The following GALR1 variants were observed in gnomAD, a reference collection of about 807,000 sequenced individuals.
The protein encoded by GALR1 is galanin receptor 1, also known as galanin receptor type 1.
In GALR1, 11 loss-of-function variants were observed where a neutral mutation model predicts 17.9. The observed-to-expected ratio is 0.62, with a 90% confidence interval of 0.39 to 1.02. The LOEUF is 1.02. Ranked by LOEUF, GALR1 falls within the 50% of genes least tolerant of loss-of-function variation. The pLI is 0.01. For synonymous variants in GALR1, 206 were observed against 205.7 expected, an observed-to-expected ratio of 1.00 and a Z score of -0.01; for missense variants, 441 against 456.9, an observed-to-expected ratio of 0.97 and a Z score of 0.32.
chr18:77,260,242 G>T (rs1568142632), intron 2 of GALR1, among the ~76,000 whole-genome samples: 2 of 152,128 alleles, frequency 1.3e-5, no homozygotes, highest in Non-Finnish European at 2.9e-5. Flanking sequence ...GTTCATAGAT[G>T]GCCCCTTCTC....
Position 77,250,139 on chromosome 18 carries a change from C to T in GALR1, c.-410C>T, listed in dbSNP as rs577052545. On this transcript the variant is annotated 5_prime_UTR_variant, in exon 1 of 3. Transcript: ENST00000299727. ...GTGCAGCACGCAGCCCCTCCGGGAG[C>T]CAGGGAAAACCGCCGGCGAAGATCT... Among the ~76,000 whole-genome samples the T allele has an allele frequency of 1.3e-5, 2 of 152,300 alleles. No homozygotes were observed. Among genetic ancestry groups the T allele is most frequent in the Admixed American group, 6.5e-5 (1 of 15,306 alleles).
chr18:77,259,057 ATGGTGGT>A lies in GALR1; in HGVS notation c.732+2835_732+2841del, dbSNP rs1912727784. ...GGTCATGATGGTCATGGTGGTGATG[ATGGTGGT>A]CATGGTGGTCATGGTGGCGATTGTG... On this transcript the variant is annotated intron_variant, in intron 2 of 2. Coordinates refer to ENST00000299727, the MANE Select transcript of GALR1 (RefSeq NM_001480.4). Among the ~76,000 whole-genome samples, 3 of 3,996 alleles carry A rather than the reference ATGGTGGT, an allele frequency of 7.5e-4. 1 individual carries two copies. The highest frequency in any genetic ancestry group is 3.2e-3 in the Non-Finnish European group (1 of 308). The allele number at this position is 3,996 out of a possible 152,430, so 2.6% of individuals were successfully genotyped here. A position where few individuals can be genotyped will look rare whatever the true frequency, so the allele number is the denominator to read the frequency against.
rs1164806381 is a variant in GALR1 at position 77,272,080 on chromosome 18, A to G, written c.*3178A>G. 1 of 152,200 alleles carries G rather than the reference A, an allele frequency of 6.6e-6. No individual in the cohort carries two copies. The highest frequency in any genetic ancestry group is 1.5e-5 in the Non-Finnish European group (1 of 68,036). The allele number at this position is 152,200 out of a possible 1,614,324, so 9.4% of individuals were successfully genotyped here. ...AGTAAAACCATTTCCGCCCCATCCC[A>G]ATCTCTTGTGCTTTTATCTTTTTTA... On this transcript the variant is annotated 3_prime_UTR_variant, in exon 3 of 3. Transcript: ENST00000299727.
intron 2 of GALR1, among the ~76,000 whole-genome samples, chr18:77,266,836 T>C (rs970012920): frequency 1.3e-5 from 2 of 152,006 alleles, no homozygotes; most frequent in Non-Finnish European, 2.9e-5. Flanking sequence ...TCTCACTGGG[T>C]CCCTCCCATT....
At chr18:77,260,453 A>G (rs1439288614) in intron 2 of GALR1, among the ~76,000 whole-genome samples, 2 of 152,162 alleles carry the variant, frequency 1.3e-5, no homozygotes, top group Non-Finnish European at 2.9e-5. Context: ...CACGGATCCC[A>G]TTATGAGGGC....
At chr18:77,255,280 T>C (rs1220816031) in intron 1 of GALR1, among the ~76,000 whole-genome samples, 1 of 152,208 alleles carries the variant, frequency 6.6e-6, no homozygotes, top group Non-Finnish European at 1.5e-5. Flanking sequence ...CAAATATATG[T>C]TGGAAATTCC....
At chr18:77,267,997 G>A (rs1371421903) in intron 2 of GALR1, among the ~76,000 whole-genome samples, 1 of 152,174 alleles carries the variant, frequency 6.6e-6, no homozygotes, top group Admixed American at 6.5e-5. Flanking sequence ...TGATTTAGGA[G>A]CAGCAAAGAA....
At chr18:77,261,881 TG>T in intron 2 of GALR1, among the ~76,000 whole-genome samples, 1 of 152,314 alleles carries the variant, frequency 6.6e-6, no homozygotes, top group East Asian at 1.9e-4. Flanking sequence ...TGGGGTGCAG[TG>T]GTGTGATCAT....
intron 2 of GALR1, among the ~76,000 whole-genome samples, chr18:77,257,780 T>A (rs771336037): frequency 1.1e-4 from 17 of 152,188 alleles, no homozygotes; most frequent in Non-Finnish European, 2.2e-4. Context: ...AAGAGATCAA[T>A]GTGTGAGTCC....
chr18:77,266,721 G>T lies in GALR1; in HGVS notation c.733-1864G>T, dbSNP rs150681245. On this transcript the variant is annotated intron_variant, in intron 2 of 2. Transcript: ENST00000299727. ...ACATGGCAGCAGGAAGGAGAAGAATGAGAGTGAAGGGTCGGGGGAAACCCC... is the reference window on the plus strand; with the variant it reads ...ACATGGCAGCAGGAAGGAGAAGAATTAGAGTGAAGGGTCGGGGGAAACCCC... Among the ~76,000 whole-genome samples the T allele has an allele frequency of 5.0e-3, 757 of 152,346 alleles. 6 individuals are homozygous for T. The highest frequency in any genetic ancestry group is 0.017 in the African/African-American group (708 of 41,584).
intron 2 of GALR1, among the ~76,000 whole-genome samples, chr18:77,258,302 G>A (rs1242037842): frequency 6.6e-6 from 1 of 152,138 alleles, no homozygotes; most frequent in Non-Finnish European, 1.5e-5. Context: ...TTACCATGAG[G>A]ATCTAGCATT....
chr18:77,260,005 G>A (rs1469341002), intron 2 of GALR1, among the ~76,000 whole-genome samples: 1 of 152,090 alleles, frequency 6.6e-6, no homozygotes, highest in Non-Finnish European at 1.5e-5. Flanking sequence ...AATGGAAGAT[G>A]TGACAGGGAT....
intron 2 of GALR1, among the ~76,000 whole-genome samples, chr18:77,263,872 C>T (rs59951000): frequency 0.045 from 6,859 of 152,208 alleles, 235 homozygotes; most frequent in Admixed American, 0.091. Context: ...CACAGTGGCT[C>T]ATGCCTGTAA....
chr18:77,251,190 G>A lies in GALR1; in HGVS notation c.642G>A (p.Leu214=), dbSNP rs1912402887. 3.1e-6 allele frequency: 5 copies of A among 1,609,154 alleles called. No homozygotes were observed. The highest frequency in any genetic ancestry group is 1.7e-4 in the Middle Eastern group (1 of 6,052). The change falls in exon 1 of 3, where the codon CTG becomes CTA. Residue 214 remains leucine, a synonymous_variant. Coordinates refer to ENST00000299727, the MANE Select transcript of GALR1 (RefSeq NM_001480.4). ...TCTTCGGCTACCTGCTGCCGCTCCTGCTCATCTGCTTCTGCTATGCCAAGG... is the reference window on the plus strand; with the variant it reads ...TCTTCGGCTACCTGCTGCCGCTCCTACTCATCTGCTTCTGCTATGCCAAGG... ...TFVFGYLLPL[L]LICFCYAKVL... is the part of the protein sequence containing the mutation.
At chr18:77,252,950 TCACCACCATCACCACCACCATCAC>T (rs1912485957) in intron 1 of GALR1, among the ~76,000 whole-genome samples, 3 of 25,272 alleles carry the variant, frequency 1.2e-4, no homozygotes, top group East Asian at 1.1e-3. Context: ...ACCACCACCA[TCACCACCATCACCACCACCATCAC>T]CACCATCACC....
Position 77,264,294 on chromosome 18 carries a change from A to T in GALR1, c.733-4291A>T, listed in dbSNP as rs1422677676. On this transcript the variant is annotated intron_variant, in intron 2 of 2. Coordinates refer to ENST00000299727, the MANE Select transcript of GALR1 (RefSeq NM_001480.4). ...TAGGAAGTCCTATGTCCCAAGGGAA[A>T]ATCTGTGGTGGGACAGTGCTGTCTC... 2.0e-5 allele frequency among the ~76,000 whole-genome samples: 3 copies of T among 152,092 alleles called. 1 individual carries two copies. The highest frequency in any genetic ancestry group is 7.2e-5 in the African/African-American group (3 of 41,392).
At chr18:77,258,639 G>GTGGTGA (rs1912667716) in intron 2 of GALR1, among the ~76,000 whole-genome samples, 1 of 125,340 alleles carries the variant, frequency 8.0e-6, no homozygotes. Flanking sequence ...GGTGGTGATG[G>GTGGTGA]TGGTGGTGGT....
At chr18:77,252,491 C>T (rs1032825476) in intron 1 of GALR1, among the ~76,000 whole-genome samples, 1 of 152,190 alleles carries the variant, frequency 6.6e-6, no homozygotes, top group African/African-American at 2.4e-5. Flanking sequence ...CCACCTGTTT[C>T]CCCCCACCTA....
At chr18:77,262,702 A>C (rs1207566345) in intron 2 of GALR1, among the ~76,000 whole-genome samples, 1 of 152,212 alleles carries the variant, frequency 6.6e-6, no homozygotes, top group African/African-American at 2.4e-5. Flanking sequence ...GAGGATAGTC[A>C]GTGTTGACAG....
Sources: gnomAD v4.1 joint callset for allele counts (sites outside exome capture counted in the v4.1 genomes callset) on GRCh38, gnomAD v4.1.1 for gene constraint, MANE v1.5 for transcripts, NCBI Gene and HGNC (gene_info 2026-07-23, HGNC 2026-07-21) for gene names.